Variants in TJP1 observed in about 807,000 individuals in gnomAD.
The protein encoded by TJP1 is tight junction protein ZO-1.
A neutral mutation model predicts 194.2 loss-of-function variants in TJP1; 43 were observed. The observed-to-expected ratio is 0.22, with a 90% CI of 0.17 to 0.29. The LOEUF is 0.29. Ranked by LOEUF, TJP1 falls within the 10% of genes least tolerant of loss-of-function variation. TJP1 has a pLI of 1.00. For synonymous variants in TJP1, 801 were observed against 779.0 expected (o/e 1.03, Z -0.47); for missense variants, 1,971 against 2,185.7 (o/e 0.90, Z 1.96).
At chr15:29,719,705 G>A in intron 20 of TJP1, 72 bp downstream of exon 20, 2 of 1,555,296 alleles carry the variant, frequency 1.3e-6, no homozygotes, top group Non-Finnish European at 8.7e-7. Context: ...ACACTTAAAG[G>A]GCAAAGCAAA....
At chr15:29,745,283 C>G (rs906770970) in intron 8 of TJP1, among the ~76,000 whole-genome samples, 1 of 123,656 alleles carries the variant, frequency 8.1e-6, no homozygotes. Context: ...TAATCACGAG[C>G]TAATGGTCCC....
At chr15:29,821,833 CCCCGCGGCCCGCGG>C (rs553652689) in intron 1 of TJP1, among the ~76,000 whole-genome samples, 155 bp downstream of exon 1, 7,767 of 145,528 alleles carry the variant, frequency 0.053, 297 homozygotes, top group East Asian at 0.15. Context: ...CCGAGGGGCT[CCCCGCGGCCCGCGG>C]CCCGCGGCCC....
chr15:29,895,843 T>C (rs1352443072), intron 2 of TJP1, among the ~76,000 whole-genome samples: 1 of 152,222 alleles, frequency 6.6e-6, no homozygotes, highest in Non-Finnish European at 1.5e-5. Flanking sequence ...CAAAGTAGCT[T>C]ATAAACAACA....
chr15:29,754,626 T>A (rs977087154), intron 8 of TJP1, among the ~76,000 whole-genome samples: 1 of 152,238 alleles, frequency 6.6e-6, no homozygotes, highest in African/African-American at 2.4e-5. Context: ...ATTTTTAGCC[T>A]ATTGGCAAAG....
intron 2 of TJP1, among the ~76,000 whole-genome samples, chr15:29,882,298 A>G (rs1473016440): frequency 6.6e-6 from 1 of 152,204 alleles, no homozygotes; most frequent in Admixed American, 6.5e-5. Context: ...GGGAGAGGAC[A>G]TGTCAGTAGG....
At chr15:29,869,795 CTTTTTTTTT>C (rs11318770) in intron 2 of TJP1, among the ~76,000 whole-genome samples, 12 of 56,002 alleles carry the variant, frequency 2.1e-4, no homozygotes, top group South Asian at 1.0e-3. Context: ...TTCTTTCTTT[CTTTTTTTTT>C]TTTTTTTTTT....
chr15:29,713,508 A>G (rs1838745617), intron 23 of TJP1, among the ~76,000 whole-genome samples: 1 of 152,258 alleles, frequency 6.6e-6, no homozygotes, highest in African/African-American at 2.4e-5. Flanking sequence ...TAAGTGAAGC[A>G]TAAGCACACA....
intron 2 of TJP1, among the ~76,000 whole-genome samples, chr15:29,844,265 C>T (rs2152071645): frequency 6.6e-6 from 1 of 152,302 alleles, no homozygotes; most frequent in African/African-American, 2.4e-5. Context: ...GACAGGGTTT[C>T]ATCATGTTGG....
intron 25 of TJP1, among the ~76,000 whole-genome samples, chr15:29,706,236 A>G (rs759180968): frequency 1.3e-5 from 2 of 152,144 alleles, no homozygotes; most frequent in Non-Finnish European, 1.5e-5. Flanking sequence ...CCTGGCGAGA[A>G]TATTATTTCT....
intron 1 of TJP1, among the ~76,000 whole-genome samples, chr15:29,805,562 T>C (rs532570949): frequency 2.2e-4 from 33 of 152,276 alleles, no homozygotes; most frequent in African/African-American, 7.9e-4. Context: ...AACAAACATG[T>C]ATCAGACATG....
chr15:29,812,415 A>C (rs1002455616), intron 1 of TJP1, among the ~76,000 whole-genome samples: 2 of 152,232 alleles, frequency 1.3e-5, no homozygotes, highest in African/African-American at 4.8e-5. Context: ...CCGGATTTGC[A>C]ACCTCTTGAA....
chr15:29,755,225 T>C (rs2045569416), intron 8 of TJP1, among the ~76,000 whole-genome samples: 1 of 152,188 alleles, frequency 6.6e-6, no homozygotes, highest in Admixed American at 6.5e-5. Context: ...CCTGGGTGTG[T>C]GGCAGGCTCT....
chr15:29,848,800 A>C (rs2051519600), intron 2 of TJP1, among the ~76,000 whole-genome samples: 1 of 151,762 alleles, frequency 6.6e-6, no homozygotes, highest in South Asian at 2.1e-4. Flanking sequence ...CGGAGGTTGC[A>C]GTGAGCCGAG....
At chr15:29,744,770 C>T (rs1245649625) in intron 8 of TJP1, among the ~76,000 whole-genome samples, 2 of 152,032 alleles carry the variant, frequency 1.3e-5, no homozygotes, top group Non-Finnish European at 2.9e-5. Flanking sequence ...TACTCATCGT[C>T]GACAATTATC....
chr15:29,718,138 A>AC lies in TJP1; in HGVS notation c.3877-21_3877-20insG. ...TGGAGGCTGTTTAAAAAAAAAAAAA[A>AC]AAAAAAGACAAATATGCCTAAGGAA... On this transcript the variant is annotated intron_variant, in intron 21 of 27. Coordinates refer to ENST00000614355, the MANE Select transcript of TJP1 (RefSeq NM_001330239.4). 1 of 1,589,988 alleles carries AC rather than the reference A, an allele frequency of 6.3e-7. No individual in the cohort carries two copies. The highest frequency in any genetic ancestry group is 2.2e-5 in the East Asian group (1 of 44,774).
At chr15:29,920,648 GGGCGAA>G (rs1187518200) in intron 2 of TJP1, among the ~76,000 whole-genome samples, 2 of 152,116 alleles carry the variant, frequency 1.3e-5, no homozygotes, top group African/African-American at 4.8e-5. Flanking sequence ...TGCATCTGCG[GGGCGAA>G]GGTGCTGAGT....
At chr15:29,865,768 A>G (rs906076427) in intron 2 of TJP1, among the ~76,000 whole-genome samples, 4 of 152,196 alleles carry the variant, frequency 2.6e-5, no homozygotes, top group Non-Finnish European at 5.9e-5. Context: ...AGGGTCCATT[A>G]AAAGCTGGCT....
chr15:29,772,591 T>TTA (rs1341743319), intron 3 of TJP1, among the ~76,000 whole-genome samples: 2 of 152,160 alleles, frequency 1.3e-5, no homozygotes, highest in Non-Finnish European at 2.9e-5. Context: ...GTGTTTCTCT[T>TTA]TATCTTACTA....
At chr15:29,705,456 C>T in intron 26 of TJP1, 72 bp downstream of exon 26, 1 of 1,466,498 alleles carries the variant, frequency 6.8e-7, no homozygotes, top group Non-Finnish European at 9.4e-7. Context: ...TAGCCAAGCA[C>T]TATAAGCTCT....
Sources: allele counts gnomAD v4.1 joint callset (sites outside exome capture counted in the v4.1 genomes callset), GRCh38; gene constraint gnomAD v4.1.1; transcripts MANE v1.5; gene names NCBI Gene and HGNC (gene_info 2026-07-23, HGNC 2026-07-21).